CCDC3: variants seen among roughly 807,000 people sequenced by gnomAD.
CCDC3 encodes coiled-coil domain-containing protein 3.
Under a neutral mutation model 21.4 loss-of-function variants are expected in CCDC3, and 24 were observed. The observed-to-expected ratio is 1.12, with a 90% CI of 0.81 to 1.58. CCDC3 has a LOEUF of 1.58. CCDC3 is among the 40% of genes most tolerant of loss of function. CCDC3 has a pLI of 0.00. For missense variants in CCDC3, 425 were observed against 360.9 expected (o/e 1.18, Z -1.44); for synonymous variants, 186 against 166.0 (o/e 1.12, Z -0.93).
chr10:12,935,726 C>T (rs1040213549), intron 2 of CCDC3, among the ~76,000 whole-genome samples: 4 of 149,830 alleles, frequency 2.7e-5, no homozygotes, highest in African/African-American at 7.4e-5. Flanking sequence ...AGTGCAGTGG[C>T]GTGATCTCGG....
At chr10:13,061,664 AT>A (rs571832860) in intron 4 of CCDC3, among the ~76,000 whole-genome samples, 107 of 152,296 alleles carry the variant, frequency 7.0e-4, no homozygotes, top group African/African-American at 2.3e-3. Flanking sequence ...TTCAAAAGGA[AT>A]GGGGATGGGG....
chr10:13,020,535 T>G (rs1185803541), intron 5 of CCDC3, among the ~76,000 whole-genome samples: 3 of 152,230 alleles, frequency 2.0e-5, no homozygotes, highest in Admixed American at 1.3e-4. Context: ...CATTTCTTTC[T>G]TGATTTGGAA....
chr10:12,980,931 C>T (rs1050648584), intron 2 of CCDC3, among the ~76,000 whole-genome samples: 1 of 152,218 alleles, frequency 6.6e-6, no homozygotes, highest in African/African-American at 2.4e-5. Context: ...AGTACTCTGG[C>T]ACATTGCCAT....
intron 5 of CCDC3, among the ~76,000 whole-genome samples, chr10:13,029,791 A>C (rs1311922563): frequency 6.6e-6 from 1 of 152,204 alleles, no homozygotes; most frequent in African/African-American, 2.4e-5. Context: ...AGTTTAGAGA[A>C]AAAAGAGTAA....
At chr10:13,059,262 T>C (rs756080296) in intron 4 of CCDC3, among the ~76,000 whole-genome samples, 1 of 152,230 alleles carries the variant, frequency 6.6e-6, no homozygotes, top group African/African-American at 2.4e-5. Context: ...GTCTTCAGTC[T>C]GGACCTTTGA....
rs140098401 is a variant in CCDC3 at position 13,057,945 on chromosome 10, C to A, written c.-269-8004G>T. ...TAGACTGGATTCTCTCATATAGCAG[C>A]ATGAGCTTTCTTGTGTATCTCCTCC... On this transcript the variant is annotated intron_variant, in intron 4 of 6. Coordinates refer to the CCDC3 transcript ENST00000378839. The A allele has an allele frequency of 6.1e-4, 368 of 598,826 alleles. 3 individuals carry two copies. The East Asian group carries it at 9.4e-3, about 15-fold the overall frequency. The allele number at this position is 598,826 out of a possible 1,614,324, so 37.1% of individuals were successfully genotyped here.
chr10:12,976,268 A>T (rs1362671100), intron 2 of CCDC3, among the ~76,000 whole-genome samples: 2 of 152,264 alleles, frequency 1.3e-5, no homozygotes, highest in African/African-American at 4.8e-5. Flanking sequence ...AAGGCGTTTT[A>T]GGACCTGGTG....
chr10:13,077,805 T>C (rs1290497610), intron 3 of CCDC3, among the ~76,000 whole-genome samples: 12 of 152,198 alleles, frequency 7.9e-5, no homozygotes, highest in Non-Finnish European at 1.3e-4. Flanking sequence ...TGGCTAGCCA[T>C]ATGTAGAAAG....
chr10:12,986,025 G>A (rs1040459196), intron 2 of CCDC3, among the ~76,000 whole-genome samples: 14 of 152,274 alleles, frequency 9.2e-5, no homozygotes, highest in South Asian at 4.1e-4. Flanking sequence ...ACAGGCGCCC[G>A]CCACCACGCC....
chr10:13,077,963 A>T (rs1272948593), intron 3 of CCDC3, among the ~76,000 whole-genome samples: 7 of 152,346 alleles, frequency 4.6e-5, no homozygotes, highest in East Asian at 3.9e-4. Flanking sequence ...GGACTTCATG[A>T]CTAAAACACC....
chr10:12,916,576 C>T (rs1004029676), intron 2 of CCDC3, among the ~76,000 whole-genome samples: 17 of 148,138 alleles, frequency 1.1e-4, no homozygotes, highest in African/African-American at 3.5e-4. Flanking sequence ...GCTGAGATCA[C>T]GCCACTGCAC....
At chr10:13,080,666 G>T (rs764321134) in intron 3 of CCDC3, among the ~76,000 whole-genome samples, 1 of 152,202 alleles carries the variant, frequency 6.6e-6, no homozygotes, top group African/African-American at 2.4e-5. Context: ...CTGCATCAAA[G>T]AACCCATTAG....
intron 5 of CCDC3, among the ~76,000 whole-genome samples, chr10:13,048,049 G>C (rs1047201142): frequency 2.6e-5 from 4 of 152,174 alleles, no homozygotes; most frequent in Non-Finnish European, 5.9e-5. Context: ...TGCACCTCAC[G>C]CGCAATGTAA....
intron 3 of CCDC3, among the ~76,000 whole-genome samples, chr10:13,081,024 C>T (rs1290118417): frequency 6.6e-6 from 1 of 152,232 alleles, no homozygotes; most frequent in Admixed American, 6.5e-5. Flanking sequence ...GGGCAGGAGG[C>T]ATCACCATGG....
At chr10:13,043,357 C>T (rs894666265) in intron 5 of CCDC3, among the ~76,000 whole-genome samples, 1 of 152,158 alleles carries the variant, frequency 6.6e-6, no homozygotes, top group Non-Finnish European at 1.5e-5. Flanking sequence ...CTTTGGGAGG[C>T]TGAGGTAGGT....
intron 5 of CCDC3, among the ~76,000 whole-genome samples, chr10:13,023,753 TTATGA>T (rs1448003397): frequency 2.5e-4 from 38 of 152,152 alleles, no homozygotes; most frequent in Non-Finnish European, 1.5e-4. Flanking sequence ...TCTTGTCTCA[TTATGA>T]TATCATGTAC....
At chr10:12,931,271 T>G (rs983810383) in intron 2 of CCDC3, among the ~76,000 whole-genome samples, 5 of 151,562 alleles carry the variant, frequency 3.3e-5, no homozygotes, top group African/African-American at 1.2e-4. Flanking sequence ...TCATAAGACT[T>G]TAGGAATGGT....
At chr10:13,027,552 C>A (rs144257593) in intron 5 of CCDC3, among the ~76,000 whole-genome samples, 1 of 151,968 alleles carries the variant, frequency 6.6e-6, no homozygotes, top group East Asian at 1.9e-4. Context: ...TATTATGTAT[C>A]AACCATCCAC....
Position 12,898,435 on chromosome 10 carries a change from G to T in CCDC3, c.794C>A (p.Pro265His), listed in dbSNP as rs774721577. Reference protein sequence around the residue: ...PHINARGPVRPPYLRG With the variant: ...PHINARGPVRHPYLRG ...GGCCCGTTACCCCCGCAGGTAGGGG[G>T]GGCGCACGGGCCCCCGGGCATTGAT... Residue 265 changes from proline (P) to histidine (H), a missense_variant, in exon 3 of 3, where the codon CCC becomes CAC. By Grantham distance (77) the Pro-to-His change is moderately conservative. Transcript: ENST00000378825. 3 of 1,604,360 alleles carry T rather than the reference G, an allele frequency of 1.9e-6. No individual in the cohort carries two copies. Among genetic ancestry groups the T allele is most frequent in the Non-Finnish European group, 2.6e-6 (3 of 1,174,114 alleles).
Sources: gnomAD v4.1 joint callset for allele counts (sites outside exome capture counted in the v4.1 genomes callset) on GRCh38, gnomAD v4.1.1 for gene constraint, MANE v1.5 for transcripts, NCBI Gene and HGNC (gene_info 2026-07-23, HGNC 2026-07-21) for gene names.